Variants in LRRC27 observed in about 807,000 individuals in gnomAD.
LRRC27 encodes the protein leucine-rich repeat-containing protein 27.
In LRRC27, 57 loss-of-function variants were observed where a neutral mutation model predicts 55.0. The ratio of observed to expected loss-of-function variants is 1.04; its 90% CI spans 0.84 to 1.29. LRRC27 has a LOEUF of 1.29. Among genes scored for constraint, LRRC27 ranks in the 50% most tolerant of loss-of-function variants. The probability of loss-of-function intolerance (pLI) is 0.00; values close to 1 mark genes in which losing one functional copy is unlikely to be tolerated. For synonymous variants in LRRC27, 278 were observed against 251.9 expected, an observed-to-expected ratio of 1.10 and a Z score of -0.98; for missense variants, 721 against 651.5, an observed-to-expected ratio of 1.11 and a Z score of -1.16.
At chr10:132,355,933 G>C (rs2068288691) in intron 8 of LRRC27, 47 bp downstream of exon 8, 1 of 1,371,202 alleles carries the variant, frequency 7.3e-7, no homozygotes, top group East Asian at 2.5e-5. Context: ...AGTCCCGGGG[G>C]TGGGTGGGTG....
intron 2 of LRRC27, chr10:132,336,739 C>A: frequency 1.3e-6 from 1 of 762,900 alleles, no homozygotes; most frequent in Non-Finnish European, 2.4e-6. Flanking sequence ...AGATGTGGAT[C>A]CAGGCAGTCT....
chr10:132,333,780 A>C, intron 2 of LRRC27, 46 bp downstream of exon 2: 1 of 1,464,352 alleles, frequency 6.8e-7, no homozygotes, highest in South Asian at 1.2e-5. Context: ...GGTCCCCTAT[A>C]GACAGAAATG....
intron 10 of LRRC27, chr10:132,367,083 A>T: frequency 1.2e-6 from 1 of 845,732 alleles, no homozygotes; most frequent in Non-Finnish European, 1.5e-6. Context: ...GTCTTAACCC[A>T]TCACTTCACA....
Position 132,355,806 on chromosome 10 carries a change from C to T in LRRC27, c.1090C>T (p.Gln364Ter), listed in dbSNP as rs779322401. ...EQQRREKRAL[Q>*]EWRERAQRMR... is the part of the protein sequence containing the mutation. ...TTTCTCCAGAGAGAAAAGGGCACTG[C>T]AGGAGTGGAGAGAGCGAGCCCAGAG... Residue 364 changes from glutamine (Q) to a stop codon, truncating the protein, a stop_gained, in exon 8 of 11, where the codon CAG (glutamine) becomes TAG (stop). Coordinates refer to ENST00000368614, the MANE Select transcript of LRRC27 (RefSeq NM_030626.3). LOFTEE classifies it high-confidence loss of function. 10 of 1,554,228 alleles carry T rather than the reference C, an allele frequency of 6.4e-6. No homozygotes were observed. The highest frequency in any genetic ancestry group is 1.2e-5 in the South Asian group (1 of 84,224).
At chr10:132,359,955 A>G (rs1333259810) in intron 8 of LRRC27, among the ~76,000 whole-genome samples, 2 of 152,174 alleles carry the variant, frequency 1.3e-5, no homozygotes, top group Non-Finnish European at 2.9e-5. Flanking sequence ...TTGCTCACTC[A>G]AGAGCTGGAT....
chr10:132,373,444 A>G (rs1182175260), intron 10 of LRRC27, among the ~76,000 whole-genome samples: 1 of 152,174 alleles, frequency 6.6e-6, no homozygotes, highest in African/African-American at 2.4e-5. Context: ...GGACGGACCC[A>G]CGGAGATTCC....
In LRRC27 at chr10:132,348,385, C is replaced by G. The variant is rs768126644; in HGVS notation, c.926+29C>G. On this transcript the variant is annotated intron_variant, in intron 6 of 10. Transcript: ENST00000368614. This position sits in a 1 kb window ranked among gnomAD's most constrained non-coding sequence, Gnocchi z 4.2. ...AAACTGAAAAGCAACGGGGGATTTTCTTGATCTTTGCGAATTTATACAGTT... is the reference window on the plus strand; with the variant it reads ...AAACTGAAAAGCAACGGGGGATTTTGTTGATCTTTGCGAATTTATACAGTT... 1 of 1,591,328 alleles carries G rather than the reference C, an allele frequency of 6.3e-7. No homozygotes were observed. The highest frequency in any genetic ancestry group is 8.6e-7 in the Non-Finnish European group (1 of 1,169,156).
At chr10:132,334,279 A>C (rs1443810111) in intron 2 of LRRC27, among the ~76,000 whole-genome samples, 1 of 152,226 alleles carries the variant, frequency 6.6e-6, no homozygotes, top group Admixed American at 6.5e-5. Flanking sequence ...GGACTCACAG[A>C]ATTTCCTTAA....
chr10:132,349,022 TGGGCGTGGTA>T (rs1464211758), intron 6 of LRRC27: 19 of 1,610,932 alleles, frequency 1.2e-5, no homozygotes, highest in Non-Finnish European at 1.6e-5. Flanking sequence ...ACTCGAATCA[TGGGCGTGGTA>T]GGGCGTGCGC....
intron 3 of LRRC27, among the ~76,000 whole-genome samples, chr10:132,341,971 G>A (rs959984141): frequency 1.4e-4 from 21 of 152,150 alleles, no homozygotes; most frequent in East Asian, 5.8e-4. Flanking sequence ...ACAATACCCC[G>A]CAAAGCAGGG....
At chr10:132,358,722 A>AGGTGGTAGAGCAGTGTGGGGAGGAGCCG (rs2068446505) in intron 8 of LRRC27, among the ~76,000 whole-genome samples, 2 of 11,804 alleles carry the variant, frequency 1.7e-4, no homozygotes, top group Admixed American at 1.1e-3. Context: ...GGGAGGAGCC[A>AGGTGGTAGAGCAGTGTGGGGAGGAGCCG]AGGTGGTGGA....
chr10:132,355,683 G>A, intron 7 of LRRC27, 107 bp from the exon 8 acceptor site: 1 of 802,370 alleles, frequency 1.2e-6, no homozygotes, highest in Non-Finnish European at 2.1e-6. Context: ...CCCAGCCTGT[G>A]CCCCCTGGAG....
At chr10:132,339,430 G>GA (rs1490924348) in intron 3 of LRRC27, among the ~76,000 whole-genome samples, 1 of 152,230 alleles carries the variant, frequency 6.6e-6, no homozygotes, top group African/African-American at 2.4e-5. Flanking sequence ...GGAGCAGGTG[G>GA]AAACACACCC....
chr10:132,359,353 G>C (rs2068502729), intron 8 of LRRC27, among the ~76,000 whole-genome samples: 1 of 152,190 alleles, frequency 6.6e-6, no homozygotes, highest in Non-Finnish European at 1.5e-5. Flanking sequence ...TTGTTGGAGA[G>C]ACAAGCATAA....
intron 10 of LRRC27, among the ~76,000 whole-genome samples, chr10:132,373,066 G>A (rs114893219): frequency 0.016 from 2,404 of 152,266 alleles, 67 homozygotes; most frequent in African/African-American, 0.054. Flanking sequence ...AAATCCCCCC[G>A]TAGGAATAGA....
intron 3 of LRRC27, among the ~76,000 whole-genome samples, chr10:132,341,066 C>T (rs537225033): frequency 5.3e-5 from 8 of 152,174 alleles, no homozygotes; most frequent in South Asian, 4.2e-4. Context: ...GAGGCTGAGG[C>T]GGGAGGATCA....
chr10:132,345,490 G>C (rs1483308035), intron 5 of LRRC27, among the ~76,000 whole-genome samples: 3 of 152,232 alleles, frequency 2.0e-5, no homozygotes, highest in African/African-American at 7.2e-5. Context: ...TGCTTGCTGA[G>C]TTGTTTGTAG....
chr10:132,360,164 T>A (rs1168732417), intron 8 of LRRC27, among the ~76,000 whole-genome samples: 1 of 152,196 alleles, frequency 6.6e-6, no homozygotes, highest in East Asian at 1.9e-4. Flanking sequence ...GGCACAATCT[T>A]GGCTCACTGC....
chr10:132,339,775 CAG>C lies in LRRC27; in HGVS notation c.341+2083_341+2084del, dbSNP rs562097782. On this transcript the variant is annotated intron_variant, in intron 3 of 10. Coordinates refer to ENST00000368614, the MANE Select transcript of LRRC27 (RefSeq NM_030626.3). ...ACAGTTCTGGAGAGTAAGTGCTACT[CAG>C]AGGATGTAAATGAACTAAGACCTGT... 7.9e-5 allele frequency among the ~76,000 whole-genome samples: 12 copies of C among 152,346 alleles called. No individual in the cohort carries two copies. The South Asian group carries it at 2.3e-3, about 29-fold the overall frequency.
Sources: gnomAD v4.1 joint callset for allele counts (sites outside exome capture counted in the v4.1 genomes callset) on GRCh38, gnomAD v4.1.1 for gene constraint, Gnocchi (gnomAD v3.1) non-coding constraint, MANE v1.5 for transcripts, NCBI Gene and HGNC (gene_info 2026-07-23, HGNC 2026-07-21) for gene names.